Variants in NHSL2 observed in about 807,000 individuals in gnomAD.
NHSL2 encodes NHS-like protein 2.
Under a neutral mutation model 53.4 loss-of-function variants are expected in NHSL2, and 27 were observed. The observed-to-expected ratio is 0.51, with a 90% confidence interval of 0.37 to 0.70. The LOEUF (loss-of-function observed/expected upper bound fraction) is 0.70. Ranked by LOEUF, NHSL2 falls within the 30% of genes least tolerant of loss-of-function variation. NHSL2 has a pLI of 0.00. For synonymous variants in NHSL2, 408 were observed against 404.1 expected (o/e 1.01, Z -0.12); for missense variants, 892 against 980.1 (o/e 0.91, Z 1.20).
In NHSL2 at chrX:72,144,704, GCACACACACACACA is replaced by G. The variant is rs55912050; in HGVS notation, c.*1159_*1172del. 0.022 allele frequency: 3,492 copies of G among 158,663 alleles called. 111 individuals carry two copies. Among genetic ancestry groups the G allele is most frequent in the African/African-American group, 0.096 (2,625 of 27,436 alleles). 13.1% of individuals were successfully genotyped at this position (158,663 alleles called of 1,213,427 possible). On this transcript the variant is annotated 3_prime_UTR_variant, in exon 8 of 8. Coordinates refer to ENST00000633930, the MANE Select transcript of NHSL2 (RefSeq NM_001013627.3). The stretch of plus-strand genomic sequence containing the variant: ...CTTGCCAGTTGCTATGGCCCATAAT[GCACACACACACACA>G]CACACACACACACACACACACACAC...
At chrX:71,942,172 T>C (rs2041769093) in intron 1 of NHSL2, among the ~76,000 whole-genome samples, 1 of 112,055 alleles carries the variant, frequency 8.9e-6, no homozygotes, top group Admixed American at 9.4e-5. Context: ...GTGAGAGGAT[T>C]TGAGGCCCCA....
intron 1 of NHSL2, among the ~76,000 whole-genome samples, chrX:72,040,819 A>G: frequency 8.9e-6 from 1 of 112,471 alleles, no homozygotes; most frequent in Non-Finnish European, 1.9e-5. Flanking sequence ...TGAGTCAGTC[A>G]GTCATTGTAT....
chrX:71,988,876 C>G (rs190102269), intron 1 of NHSL2, among the ~76,000 whole-genome samples: 1 of 112,008 alleles, frequency 8.9e-6, no homozygotes, highest in Non-Finnish European at 1.9e-5. Context: ...ACTCCATAGG[C>G]AGAGCAGTCT....
intron 1 of NHSL2, among the ~76,000 whole-genome samples, chrX:72,044,125 G>A (rs187866081): frequency 1.8e-5 from 2 of 111,889 alleles, no homozygotes; most frequent in African/African-American, 3.3e-5. Context: ...GGAAACACAG[G>A]TCAATGTTAA....
At chrX:72,043,300 G>A (rs950615062) in intron 1 of NHSL2, among the ~76,000 whole-genome samples, 2 of 111,448 alleles carry the variant, frequency 1.8e-5, no homozygotes, top group African/African-American at 6.5e-5. Context: ...ATTGAACTAG[G>A]TTAAACTTTG....
chrX:72,040,810 GAGTC>G (rs751978848), intron 1 of NHSL2, among the ~76,000 whole-genome samples: 13 of 112,184 alleles, frequency 1.2e-4, no homozygotes, highest in Non-Finnish European at 2.4e-4. Context: ...TTCATCCCTT[GAGTC>G]AGTCAGTCAT....
chrX:71,916,477 CCT>C (rs778101526), intron 1 of NHSL2, among the ~76,000 whole-genome samples: 2 of 111,366 alleles, frequency 1.8e-5, no homozygotes, highest in Non-Finnish European at 3.8e-5. Flanking sequence ...GCGTCTGGAC[CCT>C]GTCTGACCTT....
intron 1 of NHSL2, chrX:72,129,959 A>T: frequency 8.3e-7 from 1 of 1,209,771 alleles, no homozygotes; most frequent in East Asian, 3.0e-5. Context: ...AGTTGGGGGG[A>T]GCTGTAGAAT....
intron 1 of NHSL2, among the ~76,000 whole-genome samples, chrX:72,082,274 G>A (rs766092805): frequency 1.8e-5 from 2 of 111,345 alleles, no homozygotes; most frequent in Admixed American, 9.6e-5. Flanking sequence ...GTGCAGGGGC[G>A]AGGGTGGGGA....
chrX:72,021,060 TACACACACAC>T (rs68122154), intron 1 of NHSL2, among the ~76,000 whole-genome samples: 1,535 of 106,805 alleles, frequency 0.014, 18 homozygotes, highest in African/African-American at 0.049. Flanking sequence ...CGCGTGCGCA[TACACACACAC>T]ACACACACAC....
At chrX:72,143,225 C>T in intron 7 of NHSL2, 28 bp from the exon 8 acceptor site, 1 of 1,069,138 alleles carries the variant, frequency 9.4e-7, no homozygotes, top group Non-Finnish European at 1.3e-6. Flanking sequence ...TGCATTAACT[C>T]ACTCAGACCA....
intron 1 of NHSL2, among the ~76,000 whole-genome samples, chrX:72,091,205 G>A (rs1225026723): frequency 8.9e-6 from 1 of 112,445 alleles, no homozygotes; most frequent in African/African-American, 3.2e-5. Flanking sequence ...TGTAATCCCA[G>A]CACTTTGGGA....
chrX:72,094,655 G>A (rs1386832381), intron 1 of NHSL2, among the ~76,000 whole-genome samples: 3 of 110,988 alleles, frequency 2.7e-5, no homozygotes, highest in African/African-American at 9.8e-5. Context: ...AATTCACTAA[G>A]AGCCCCTTCT....
At chrX:71,926,028 G>A (rs2041683265) in intron 1 of NHSL2, among the ~76,000 whole-genome samples, 1 of 111,532 alleles carries the variant, frequency 9.0e-6, no homozygotes, top group Non-Finnish European at 1.9e-5. Flanking sequence ...AGATTCAGCA[G>A]GAACATATCC....
intron 6 of NHSL2, chrX:72,141,004 C>G: frequency 3.0e-6 from 1 of 335,180 alleles, no homozygotes; most frequent in Non-Finnish European, 5.4e-6. Flanking sequence ...AGGCCACTCT[C>G]CCCTCTAAAT....
chrX:72,138,399 T>G (rs955193050), intron 5 of NHSL2, 42 bp from the exon 6 acceptor site: 1 of 1,029,572 alleles, frequency 9.7e-7, no homozygotes, highest in African/African-American at 1.9e-5. Context: ...TGGTGGGAGA[T>G]CCCTTGCTGT....
intron 1 of NHSL2, among the ~76,000 whole-genome samples, chrX:72,017,673 A>G (rs1214228021): frequency 1.8e-5 from 2 of 112,414 alleles, no homozygotes; most frequent in Non-Finnish European, 1.9e-5. Flanking sequence ...TTCTCCCCCT[A>G]CAAGGTCATG....
intron 1 of NHSL2, among the ~76,000 whole-genome samples, chrX:71,922,421 C>T: frequency 8.9e-6 from 1 of 112,077 alleles, no homozygotes; most frequent in South Asian, 3.8e-4. Context: ...TTTGGCATCC[C>T]TCCATAGTGT....
chrX:72,099,002 ACT>A (rs1348220261), intron 1 of NHSL2, among the ~76,000 whole-genome samples: 1 of 111,625 alleles, frequency 9.0e-6, no homozygotes. Context: ...CTTACCAATA[ACT>A]CTGCAGTTTT....
Sources: gnomAD v4.1 joint callset for allele counts (sites outside exome capture counted in the v4.1 genomes callset) on GRCh38, gnomAD v4.1.1 for gene constraint, MANE v1.5 for transcripts, NCBI Gene and HGNC (gene_info 2026-07-23, HGNC 2026-07-21) for gene names.